PCDH11X: variants seen among roughly 807,000 people sequenced by gnomAD.
The protein encoded by PCDH11X is protocadherin 11 X-linked, also known as protocadherin-11 X-linked.
A neutral mutation model predicts 53.3 loss-of-function variants in PCDH11X; 18 were observed. The observed-to-expected ratio is 0.34, with a 90% CI of 0.23 to 0.50. The LOEUF is 0.50. Among genes scored for constraint, PCDH11X ranks in the 20% least tolerant of loss-of-function variants. The probability of loss-of-function intolerance (pLI) is 0.98; values close to 1 mark genes in which losing one functional copy is unlikely to be tolerated. For missense variants in PCDH11X, 570 were observed against 1,032.4 expected, an observed-to-expected ratio of 0.55 and a Z score of 6.14; for synonymous variants, 279 against 393.3, an observed-to-expected ratio of 0.71 and a Z score of 3.44.
intron 6 of PCDH11X, among the ~76,000 whole-genome samples, chrX:92,036,741 G>A (rs1195004840): frequency 2.7e-5 from 3 of 111,487 alleles, no homozygotes; most frequent in African/African-American, 9.8e-5. Context: ...GAACTGGTTG[G>A]CAGAGGTTGG....
intron 4 of PCDH11X, among the ~76,000 whole-genome samples, chrX:91,828,571 A>G (rs1937002747): frequency 9.0e-6 from 1 of 111,513 alleles, no homozygotes; most frequent in South Asian, 3.7e-4. Context: ...AAATAATATT[A>G]AAATATGTGT....
chrX:92,007,680 C>A (rs1419531686), intron 6 of PCDH11X, among the ~76,000 whole-genome samples: 2 of 111,499 alleles, frequency 1.8e-5, no homozygotes. Flanking sequence ...AAGACAAAGT[C>A]CCATTTACTT....
intron 6 of PCDH11X, among the ~76,000 whole-genome samples, chrX:91,932,825 A>G (rs2362494): frequency 8.9e-6 from 1 of 111,734 alleles, no homozygotes; most frequent in East Asian, 2.9e-4. Context: ...ACATCTTACA[A>G]TCATCCTATG....
intron 6 of PCDH11X, 34 bp downstream of exon 6, chrX:91,879,307 C>G (rs769851859): frequency 8.3e-7 from 1 of 1,207,189 alleles, no homozygotes; most frequent in Admixed American, 2.2e-5. Flanking sequence ...AACTTTCTAA[C>G]TATTTTTTTA....
Position 91,835,959 on chromosome X carries a change from C to T in PCDH11X, c.455C>T (p.Ser152Leu). 1.7e-6 allele frequency: 2 copies of T among 1,210,216 alleles called. No homozygotes were observed. Among genetic ancestry groups the T allele is most frequent in the Non-Finnish European group, 2.2e-6 (2 of 895,098 alleles). ...ATCAACATATCAATTCCAGAGAACT[C>T]GGCTATAAACTCTAAATATACTCTC... ...TVINISIPEN[S>L]AINSKYTLPA... Residue 152 changes from serine to leucine, a missense_variant, in exon 5 of 11, where the codon TCG (serine) becomes TTG (leucine). Ser to Leu is a moderately radical substitution (Grantham distance 145, BLOSUM62 -2). This residue lies in a region of PCDH11X where 84 missense variants were observed against 142.0 expected (regional missense o/e 0.59). Transcript: ENST00000682573.
intron 6 of PCDH11X, among the ~76,000 whole-genome samples, chrX:92,093,985 G>T (rs2148122976): frequency 9.0e-6 from 1 of 110,887 alleles, no homozygotes; most frequent in Admixed American, 9.7e-5. Context: ...TGCCTTTACT[G>T]AAACTCATGA....
At chrX:92,020,582 C>A (rs2062868263) in intron 6 of PCDH11X, among the ~76,000 whole-genome samples, 1 of 111,817 alleles carries the variant, frequency 8.9e-6, no homozygotes, top group Non-Finnish European at 1.9e-5. Flanking sequence ...TGGCCTCAGT[C>A]TCTGTGGACC....
chrX:92,618,474 T>C lies in PCDH11X; in HGVS notation c.3578T>C (p.Ile1193Thr), dbSNP rs371572834. The change falls in exon 11 of 11, where the codon ATT (isoleucine) becomes ACT (threonine). Residue 1193 changes from isoleucine to threonine, a missense_variant. Ile to Thr is a moderately conservative substitution (Grantham distance 89, BLOSUM62 -1). This residue lies in a region of PCDH11X where 234 missense variants were observed against 296.1 expected (regional missense o/e 0.79). Coordinates refer to ENST00000682573, the MANE Select transcript of PCDH11X (RefSeq NM_032968.5). ...CACAGCCCACGAGTGACACAGACCA[T>C]TGCTCTCTGCCACAGCCCTCCAGTG... Reference protein sequence around the residue: ...QHHSPRVTQTIALCHSPPVTQ... With the variant: ...QHHSPRVTQTTALCHSPPVTQ... 5.0e-6 allele frequency: 6 copies of C among 1,211,376 alleles called. No homozygotes were observed. The highest frequency in any genetic ancestry group is 6.7e-6 in the Non-Finnish European group (6 of 895,327).
In PCDH11X at chrX:92,326,997, A is replaced by G. The variant is rs148447878; in HGVS notation, c.3145-60738A>G. On this transcript the variant is annotated intron_variant, in intron 8 of 10. Transcript: ENST00000682573. ...ATCTGTGTTAATAATCTGAAAAACT[A>G]GAGCATGTATATCCGATATATTGTC... 6.9e-3 allele frequency among the ~76,000 whole-genome samples: 760 copies of G among 109,422 alleles called. 21 individuals are homozygous for G. The East Asian group carries it at 0.097, about 14-fold the overall frequency.
At chrX:92,120,183 CAG>C (rs2064729490) in intron 6 of PCDH11X, among the ~76,000 whole-genome samples, 2 of 77,744 alleles carry the variant, frequency 2.6e-5, no homozygotes, top group African/African-American at 9.8e-5. Context: ...TTTTTTGAGA[CAG>C]AGTCTCTCTC....
intron 6 of PCDH11X, among the ~76,000 whole-genome samples, chrX:92,014,195 AC>A (rs1344072614): frequency 6.0e-5 from 4 of 66,455 alleles, no homozygotes; most frequent in African/African-American, 1.8e-4. Context: ...AAGAAAAAAA[AC>A]AAACAACCCC....
At position 91,779,797 on chromosome X, in the gene PCDH11X, G is replaced by C. The variant is rs1037942211; in HGVS notation, c.-379+113G>C. ...CCCCTGAGGTCTGAACTATGACAAC[G>C]GGGTGGTTTTAAAGACGCTTCTGCT... On this transcript the variant is annotated intron_variant, in intron 1 of 10. Transcript: ENST00000682573. 9 of 105,933 alleles carry C rather than the reference G, an allele frequency of 8.5e-5. No homozygotes were observed. In the Admixed American group the frequency reaches 9.1e-4, roughly 11 times the overall value. The allele number at this position is 105,933 out of a possible 1,213,427, so 8.7% of individuals were successfully genotyped here. A position where few individuals can be genotyped will look rare whatever the true frequency, so the allele number is the denominator to read the frequency against.
intron 6 of PCDH11X, among the ~76,000 whole-genome samples, chrX:92,169,683 C>G (rs1311246387): frequency 4.6e-5 from 5 of 107,665 alleles, no homozygotes; most frequent in Non-Finnish European, 9.6e-5. Context: ...ATATTATATT[C>G]TGTTTAAGTT....
chrX:92,097,052 A>G (rs192960472), intron 6 of PCDH11X, among the ~76,000 whole-genome samples: 2 of 111,396 alleles, frequency 1.8e-5, no homozygotes, highest in African/African-American at 6.5e-5. Flanking sequence ...GAAGGTATAA[A>G]CTATTGATAA....
intron 10 of PCDH11X, among the ~76,000 whole-genome samples, chrX:92,613,437 C>CT (rs949186392): frequency 9.1e-6 from 1 of 110,234 alleles, no homozygotes; most frequent in African/African-American, 3.3e-5. Context: ...TTTCTGTTAG[C>CT]TTGTAAGGTT....
intron 6 of PCDH11X, among the ~76,000 whole-genome samples, chrX:91,994,961 T>G (rs989725017): frequency 1.8e-5 from 2 of 111,854 alleles, no homozygotes; most frequent in African/African-American, 6.5e-5. Context: ...GAAAAATGAC[T>G]ATTCAAGTCT....
intron 9 of PCDH11X, among the ~76,000 whole-genome samples, chrX:92,461,629 A>C (rs1288994643): frequency 8.9e-6 from 1 of 111,933 alleles, no homozygotes; most frequent in African/African-American, 3.3e-5. Flanking sequence ...TGGAGAAACT[A>C]TCCAGGACAT....
chrX:92,118,887 G>A (rs1212400475), intron 6 of PCDH11X, among the ~76,000 whole-genome samples: 2 of 103,072 alleles, frequency 1.9e-5, no homozygotes, highest in East Asian at 6.2e-4. Context: ...GACTACAGGC[G>A]CCCGCCACCA....
chrX:92,262,787 T>C (rs889671765), intron 7 of PCDH11X, among the ~76,000 whole-genome samples: 1 of 111,442 alleles, frequency 9.0e-6, no homozygotes, highest in Non-Finnish European at 1.9e-5. Flanking sequence ...ACAGAATATC[T>C]AATTGGAAGG....
Sources: gnomAD v4.1 joint callset for allele counts (sites outside exome capture counted in the v4.1 genomes callset) on GRCh38, gnomAD v4.1.1 for gene constraint, gnomAD v4.1.1 regional missense constraint, MANE v1.5 for transcripts, NCBI Gene and HGNC (gene_info 2026-07-23, HGNC 2026-07-21) for gene names.